The following MEIS2 variants were observed in gnomAD, a reference collection of about 807,000 sequenced individuals.
MEIS2 encodes homeobox protein Meis2.
In MEIS2, 9 loss-of-function variants were observed where a neutral mutation model predicts 58.6. The ratio of observed to expected loss-of-function variants is 0.15; its 90% CI spans 0.09 to 0.27. MEIS2 has a LOEUF of 0.27. MEIS2 is among the 10% of genes least tolerant of loss of function. The pLI is 1.00. For synonymous variants in MEIS2, 221 were observed against 228.4 expected (o/e 0.97, Z 0.29); for missense variants, 427 against 635.0 (o/e 0.67, Z 3.52).
chr15:37,084,526 G>A (rs1291430613), intron 6 of MEIS2, among the ~76,000 whole-genome samples: 1 of 151,610 alleles, frequency 6.6e-6, no homozygotes. Flanking sequence ...TTAATTTGTA[G>A]AAATAATTTA....
chr15:36,955,835 C>T (rs1236074080), intron 8 of MEIS2, among the ~76,000 whole-genome samples: 1 of 151,762 alleles, frequency 6.6e-6, no homozygotes, highest in Non-Finnish European at 1.5e-5. Flanking sequence ...CTGGATGTCT[C>T]ATCCTTGTCT....
chr15:37,092,051 C>A (rs1234513297), intron 6 of MEIS2, among the ~76,000 whole-genome samples: 5 of 152,196 alleles, frequency 3.3e-5, no homozygotes, highest in Admixed American at 3.3e-4. Flanking sequence ...TTTCCATAAC[C>A]ACTGCTGCAT....
intron 8 of MEIS2, among the ~76,000 whole-genome samples, chr15:36,966,258 G>A (rs988489378): frequency 2.2e-4 from 33 of 152,114 alleles, no homozygotes; most frequent in Admixed American, 1.4e-3. Context: ...ACCATTTTTA[G>A]GGGGAGAAGG....
At chr15:37,015,143 A>C (rs2061304171) in intron 8 of MEIS2, among the ~76,000 whole-genome samples, 1 of 152,210 alleles carries the variant, frequency 6.6e-6, no homozygotes, top group African/African-American at 2.4e-5. Flanking sequence ...CCTAATACCA[A>C]AAGAAAATTC....
At chr15:37,055,473 T>A (rs1451378197) in intron 7 of MEIS2, among the ~76,000 whole-genome samples, 1 of 152,178 alleles carries the variant, frequency 6.6e-6, no homozygotes, top group Non-Finnish European at 1.5e-5. Flanking sequence ...CATGAGAATG[T>A]GGAGAGCTCT....
chr15:36,956,057 C>A (rs1194872721), intron 8 of MEIS2, among the ~76,000 whole-genome samples: 1 of 136,978 alleles, frequency 7.3e-6, no homozygotes, highest in African/African-American at 2.8e-5. Flanking sequence ...ATTAGCCGGG[C>A]GTGGTGGCGG....
At chr15:36,901,632 C>T (rs887776233) in intron 9 of MEIS2, among the ~76,000 whole-genome samples, 2 of 152,094 alleles carry the variant, frequency 1.3e-5, no homozygotes, top group Non-Finnish European at 2.9e-5. Flanking sequence ...TGATAGAATA[C>T]TAGATTTGCC....
intron 9 of MEIS2, among the ~76,000 whole-genome samples, chr15:36,930,112 A>G (rs138555976): frequency 3.8e-4 from 58 of 150,930 alleles, no homozygotes; most frequent in African/African-American, 1.3e-3. Context: ...TTGAGGCAGG[A>G]GAATTGTTTG....
chr15:36,958,359 G>A (rs1719900), intron 8 of MEIS2, among the ~76,000 whole-genome samples: 80,865 of 151,884 alleles, frequency 0.53, 21,761 homozygotes, highest in African/African-American at 0.58. Context: ...ATAGAAAAGC[G>A]GAGAAGGAAT....
intron 8 of MEIS2, among the ~76,000 whole-genome samples, chr15:37,016,784 G>C (rs1409208524): frequency 2.0e-5 from 3 of 152,080 alleles, no homozygotes; most frequent in African/African-American, 7.2e-5. Flanking sequence ...TGATGCAATG[G>C]TGTCCCCCAA....
At position 36,943,503 on chromosome 15, in the gene MEIS2, T is replaced by C. The variant is rs553144166; in HGVS notation, c.977+6821A>G. On this transcript the variant is annotated intron_variant, in intron 9 of 11. Transcript: ENST00000561208. ...TATTTAGAGACTCTGCAAAAAATGG[T>C]TACTTTCAGCATGAGAAATTTTATC... Among the ~76,000 whole-genome samples the C allele has an allele frequency of 3.3e-5, 5 of 152,248 alleles. No homozygotes were observed. The East Asian group carries it at 9.7e-4, about 29-fold the overall frequency.
chr15:37,020,357 T>C (rs1283558038), intron 8 of MEIS2, among the ~76,000 whole-genome samples: 1 of 152,144 alleles, frequency 6.6e-6, no homozygotes, highest in Admixed American at 6.5e-5. Flanking sequence ...AAAAAAATCC[T>C]GAAAATACAC....
chr15:36,962,618 T>C (rs1424498664), intron 8 of MEIS2, among the ~76,000 whole-genome samples: 1 of 152,186 alleles, frequency 6.6e-6, no homozygotes, highest in Non-Finnish European at 1.5e-5. Context: ...AGTCCCCAGA[T>C]GTGGAACCCG....
chr15:37,036,917 T>C lies in MEIS2; in HGVS notation c.797A>G (p.Asp266Gly). 6.2e-7 allele frequency: 1 copy of C among 1,614,008 alleles called. No individual in the cohort carries two copies. The highest frequency in any genetic ancestry group is 8.5e-7 in the Non-Finnish European group (1 of 1,179,972). ...DNSVASPGTGDDDDPDKDKKR... is the reference protein window; with the variant it reads ...DNSVASPGTGGDDDPDKDKKR... Reference sequence around the variant, plus strand: ...TTTGTCCTTATCCGGATCATCATCGTCACCTGTACCAGGTGAAGCTACACT... The same window carrying C: ...TTTGTCCTTATCCGGATCATCATCGCCACCTGTACCAGGTGAAGCTACACT... Residue 266 changes from aspartate (D) to glycine (G), a missense_variant, in exon 8 of 12, where the codon GAC becomes GGC. Physicochemically the swap from Asp to Gly is moderately conservative, Grantham distance 94 (BLOSUM62 -1). Transcript: ENST00000561208.
At chr15:36,969,173 T>G (rs755867883) in intron 8 of MEIS2, among the ~76,000 whole-genome samples, 2 of 152,226 alleles carry the variant, frequency 1.3e-5, no homozygotes, top group Non-Finnish European at 2.9e-5. Context: ...TTAACTGCAT[T>G]TAATTATCTG....
chr15:36,968,201 A>G (rs544474899), intron 8 of MEIS2, among the ~76,000 whole-genome samples: 1 of 152,258 alleles, frequency 6.6e-6, no homozygotes, highest in South Asian at 2.1e-4. Flanking sequence ...TTTCTTCAAG[A>G]TCCAGCTTCT....
chr15:37,078,236 A>G (rs1250405146), intron 7 of MEIS2, among the ~76,000 whole-genome samples: 1 of 152,076 alleles, frequency 6.6e-6, no homozygotes, highest in Non-Finnish European at 1.5e-5. Context: ...AAACCCTTGT[A>G]GCCCAAGGAA....
intron 6 of MEIS2, among the ~76,000 whole-genome samples, chr15:37,092,172 C>T (rs924117583): frequency 4.6e-5 from 7 of 152,168 alleles, no homozygotes; most frequent in African/African-American, 1.2e-4. Flanking sequence ...CCTTCAACAC[C>T]GCAGTATTTA....
At chr15:36,892,549 A>AAC in intron 11 of MEIS2, 90 bp from the exon 12 acceptor site, 1 of 1,207,014 alleles carries the variant, frequency 8.3e-7, no homozygotes, top group East Asian at 2.3e-5. Flanking sequence ...AAAAAAAAAA[A>AAC]AACAACAGAC....
Sources: gnomAD v4.1 joint callset for allele counts (sites outside exome capture counted in the v4.1 genomes callset) on GRCh38, gnomAD v4.1.1 for gene constraint, MANE v1.5 for transcripts, NCBI Gene and HGNC (gene_info 2026-07-23, HGNC 2026-07-21) for gene names.